MS4A12: variants seen among roughly 807,000 people sequenced by gnomAD.
The protein encoded by MS4A12 is membrane-spanning 4-domains subfamily A member 12.
A neutral mutation model predicts 23.7 loss-of-function variants in MS4A12; 28 were observed. That is an observed-to-expected ratio of 1.18 (90% CI 0.88 to 1.62). MS4A12 has a LOEUF of 1.62. MS4A12 is among the 40% of genes most tolerant of loss of function. MS4A12 has a pLI of 0.00. For synonymous variants in MS4A12, 108 were observed against 110.1 expected, an observed-to-expected ratio of 0.98 and a Z score of 0.12; for missense variants, 342 against 327.0, an observed-to-expected ratio of 1.05 and a Z score of -0.35.
chr11:60,506,193 T>G (rs2086568338), intron 5 of MS4A12, among the ~76,000 whole-genome samples: 1 of 152,222 alleles, frequency 6.6e-6, no homozygotes, highest in Non-Finnish European at 1.5e-5. Context: ...TCAAGTGAGC[T>G]TAATACTTTT....
intron 4 of MS4A12, among the ~76,000 whole-genome samples, chr11:60,503,028 T>C (rs2086542610): frequency 1.3e-5 from 2 of 152,162 alleles, no homozygotes; most frequent in Admixed American, 1.3e-4. Context: ...CACAAGCACA[T>C]TCTAAAGAAC....
Position 60,495,732 on chromosome 11 carries a change from A to T in MS4A12, c.-6-1581A>T, listed in dbSNP as rs1235952057. 9.8e-5 allele frequency among the ~76,000 whole-genome samples: 15 copies of T among 152,302 alleles called. No individual in the cohort carries two copies. In the East Asian group the frequency reaches 2.9e-3, roughly 29 times the overall value. ...CTAAACATGACACTATACAGACCCTACTGTGCCTATAATAAGTCTTTAATA... is the reference window on the plus strand; with the variant it reads ...CTAAACATGACACTATACAGACCCTTCTGTGCCTATAATAAGTCTTTAATA... On this transcript the variant is annotated intron_variant, in intron 1 of 6. Transcript: ENST00000016913.
At chr11:60,505,433 G>T (rs962615035) in intron 5 of MS4A12, among the ~76,000 whole-genome samples, 1 of 152,064 alleles carries the variant, frequency 6.6e-6, no homozygotes, top group Non-Finnish European at 1.5e-5. Context: ...GGCAAAAATA[G>T]ATGAGAAAGC....
intron 5 of MS4A12, 89 bp from the exon 6 acceptor site, chr11:60,506,639 A>G: frequency 1.1e-6 from 1 of 877,840 alleles, no homozygotes; most frequent in Non-Finnish European, 1.8e-6. Flanking sequence ...AGTATAAGCA[A>G]TAGCACATTT....
chr11:60,495,784 T>C (rs2086483608), intron 1 of MS4A12, among the ~76,000 whole-genome samples: 1 of 152,208 alleles, frequency 6.6e-6, no homozygotes, highest in Admixed American at 6.5e-5. Flanking sequence ...ACACCTCACC[T>C]AAAGCTTGCT....
At chr11:60,500,846 C>T (rs978062446) in intron 2 of MS4A12, among the ~76,000 whole-genome samples, 199 bp from the exon 3 acceptor site, 1 of 152,220 alleles carries the variant, frequency 6.6e-6, no homozygotes. Context: ...CAGGGCGTTT[C>T]ACTAAGGGCC....
At chr11:60,498,783 T>C (rs1044167189) in intron 2 of MS4A12, among the ~76,000 whole-genome samples, 1 of 152,152 alleles carries the variant, frequency 6.6e-6, no homozygotes, top group Non-Finnish European at 1.5e-5. Context: ...GAACATGACA[T>C]TTGAGCAAAA....
intron 1 of MS4A12, among the ~76,000 whole-genome samples, chr11:60,495,412 T>C (rs1252304715): frequency 6.6e-6 from 1 of 151,680 alleles, no homozygotes; most frequent in African/African-American, 2.4e-5. Flanking sequence ...AGGTTCTGGA[T>C]TAAATTCTCT....
intron 1 of MS4A12, among the ~76,000 whole-genome samples, chr11:60,493,315 G>A (rs560970580): frequency 6.6e-6 from 1 of 151,706 alleles, no homozygotes; most frequent in East Asian, 1.9e-4. Flanking sequence ...GGCGGAGGTT[G>A]CAGTGAGCCG....
At chr11:60,501,857 A>C in intron 3 of MS4A12, 126 bp from the exon 4 acceptor site, 2 of 798,214 alleles carry the variant, frequency 2.5e-6, no homozygotes, top group East Asian at 4.9e-5. Context: ...GAAAATTCAG[A>C]AGTGCGAGAG....
intron 1 of MS4A12, among the ~76,000 whole-genome samples, chr11:60,493,676 C>T (rs1217581018): frequency 6.6e-6 from 1 of 152,152 alleles, no homozygotes; most frequent in Non-Finnish European, 1.5e-5. Flanking sequence ...AAGTGTATAC[C>T]TGTGGATGTA....
intron 2 of MS4A12, chr11:60,497,839 G>A (rs527633335): frequency 2.1e-4 from 99 of 467,522 alleles, no homozygotes; most frequent in Non-Finnish European, 3.4e-4. Flanking sequence ...TGACGTGACA[G>A]AAGCACTGTT....
At chr11:60,497,203 C>A in intron 1 of MS4A12, 110 bp from the exon 2 acceptor site, 1 of 1,267,412 alleles carries the variant, frequency 7.9e-7, no homozygotes, top group Non-Finnish European at 1.1e-6. Flanking sequence ...ATTATCTGCT[C>A]ACTTGTTCTC....
chr11:60,498,893 G>A (rs559811228), intron 2 of MS4A12, among the ~76,000 whole-genome samples: 5 of 152,240 alleles, frequency 3.3e-5, no homozygotes, highest in South Asian at 2.1e-4. Context: ...TTGAAGAACC[G>A]GGAGGAGGCC....
At chr11:60,497,231 T>C (rs2086493701) in intron 1 of MS4A12, 82 bp from the exon 2 acceptor site, 1 of 1,423,946 alleles carries the variant, frequency 7.0e-7, no homozygotes, top group South Asian at 1.4e-5. Context: ...GCATAGATAA[T>C]TGACATTTGA....
Position 60,507,160 on chromosome 11 carries a change from G to A in MS4A12, c.*36G>A, listed in dbSNP as rs2086577383. ...AGGGGTATCAGTCTAATCTCATGGA[G>A]AAAAACTACTTGCAAAAACTTCTTA... On this transcript the variant is annotated 3_prime_UTR_variant, in exon 7 of 7. Transcript: ENST00000016913. 1 of 1,529,256 alleles carries A rather than the reference G, an allele frequency of 6.5e-7. No homozygotes were observed. The highest frequency in any genetic ancestry group is 1.4e-5 in the African/African-American group (1 of 72,760). The allele number at this position is 1,529,256 out of a possible 1,614,324, so 94.7% of individuals were successfully genotyped here.
At chr11:60,506,687 T>A (rs2086572154) in intron 5 of MS4A12, 41 bp from the exon 6 acceptor site, 9 of 1,570,120 alleles carry the variant, frequency 5.7e-6, no homozygotes, top group Non-Finnish European at 7.9e-6. Flanking sequence ...CGTGAGGCCC[T>A]CCTGATTAGC....
At chr11:60,498,406 G>C (rs910780101) in intron 2 of MS4A12, among the ~76,000 whole-genome samples, 1 of 152,168 alleles carries the variant, frequency 6.6e-6, no homozygotes, top group African/African-American at 2.4e-5. Flanking sequence ...AAGTAAAAAT[G>C]AGCATAAGTT....
chr11:60,497,845 C>T (rs547757363), intron 2 of MS4A12: 2 of 453,230 alleles, frequency 4.4e-6, no homozygotes, highest in South Asian at 5.6e-5. Context: ...GACAGAAGCA[C>T]TGTTACATCT....
Sources: allele counts gnomAD v4.1 joint callset (sites outside exome capture counted in the v4.1 genomes callset), GRCh38; gene constraint gnomAD v4.1.1; transcripts MANE v1.5; gene names NCBI Gene and HGNC (gene_info 2026-07-23, HGNC 2026-07-21).